Variants in CAMK1D observed in about 807,000 individuals in gnomAD.
CAMK1D encodes the protein calcium/calmodulin-dependent protein kinase type 1D.
A neutral mutation model predicts 47.7 loss-of-function variants in CAMK1D; 9 were observed. The observed-to-expected ratio is 0.19, with a 90% CI of 0.11 to 0.33. The LOEUF (loss-of-function observed/expected upper bound fraction) is 0.33. Ranked by LOEUF, CAMK1D falls within the 10% of genes least tolerant of loss-of-function variation. The probability of loss-of-function intolerance (pLI) is 1.00; values close to 1 mark genes in which losing one functional copy is unlikely to be tolerated. For synonymous variants in CAMK1D, 184 were observed against 184.9 expected (o/e 0.99, Z 0.04); for missense variants, 291 against 488.7 (o/e 0.60, Z 3.81).
At chr10:12,827,379 TTTCTTTC>T (rs2131130569) in intron 10 of CAMK1D, among the ~76,000 whole-genome samples, 8 of 6,450 alleles carry the variant, frequency 1.2e-3, no homozygotes, top group Non-Finnish European at 2.0e-3. Context: ...TTTCTTTCTT[TTTCTTTC>T]CCTTCCTTCC....
At chr10:12,538,646 G>T (rs1023766423) in intron 1 of CAMK1D, among the ~76,000 whole-genome samples, 1 of 152,146 alleles carries the variant, frequency 6.6e-6, no homozygotes, top group African/African-American at 2.4e-5. Context: ...GCCCGAGGAG[G>T]TGCAGGCCAG....
intron 1 of CAMK1D, among the ~76,000 whole-genome samples, chr10:12,351,448 A>G (rs945881602): frequency 6.6e-6 from 1 of 152,326 alleles, no homozygotes; most frequent in Admixed American, 6.5e-5. Flanking sequence ...ACAAGAAAGC[A>G]TGGCCTTTGC....
At chr10:12,527,937 A>G (rs1564393026) in intron 1 of CAMK1D, among the ~76,000 whole-genome samples, 1 of 152,216 alleles carries the variant, frequency 6.6e-6, no homozygotes, top group Non-Finnish European at 1.5e-5. Context: ...AAATAGTGGC[A>G]TAATATTTTT....
intron 1 of CAMK1D, among the ~76,000 whole-genome samples, chr10:12,380,507 C>T (rs145098043): frequency 2.0e-4 from 31 of 152,048 alleles, no homozygotes; most frequent in African/African-American, 5.5e-4. Context: ...GATTATTGCC[C>T]GGAAAAAAGG....
chr10:12,626,479 T>A (rs7098144), intron 2 of CAMK1D, among the ~76,000 whole-genome samples: 11 of 148,926 alleles, frequency 7.4e-5, no homozygotes, highest in African/African-American at 2.7e-4. Flanking sequence ...TTCTTTCTTT[T>A]TTTTTTTTTT....
intron 8 of CAMK1D, among the ~76,000 whole-genome samples, chr10:12,818,522 T>C (rs1476421909): frequency 2.0e-5 from 3 of 151,876 alleles, no homozygotes; most frequent in Non-Finnish European, 4.4e-5. Flanking sequence ...AATACAAAAA[T>C]TAGCCGGACA....
At chr10:12,439,533 C>T (rs1832724533) in intron 1 of CAMK1D, among the ~76,000 whole-genome samples, 2 of 152,208 alleles carry the variant, frequency 1.3e-5, no homozygotes, top group Admixed American at 1.3e-4. Flanking sequence ...GTCCTCCTCC[C>T]TGCTGTAGGT....
chr10:12,422,448 A>G lies in CAMK1D; in HGVS notation c.92+72538A>G, dbSNP rs534860782. On this transcript the variant is annotated intron_variant, in intron 1 of 10. Transcript: ENST00000619168. ...ATTGCAGGCGGCCCATGCCTGGGGCATTGCCACCTGAGAACAGGTCTTACG... is the reference window on the plus strand; with the variant it reads ...ATTGCAGGCGGCCCATGCCTGGGGCGTTGCCACCTGAGAACAGGTCTTACG... Among the ~76,000 whole-genome samples the G allele has an allele frequency of 3.3e-5, 5 of 152,320 alleles. No homozygotes were observed. The East Asian group carries it at 9.7e-4, about 29-fold the overall frequency.
intron 2 of CAMK1D, among the ~76,000 whole-genome samples, chr10:12,557,103 C>T (rs1279559638): frequency 1.3e-5 from 2 of 152,082 alleles, no homozygotes; most frequent in African/African-American, 4.8e-5. Flanking sequence ...ACAGAAATAC[C>T]AGAGCGGGAG....
chr10:12,774,035 A>C (rs1301321022), intron 5 of CAMK1D, among the ~76,000 whole-genome samples: 2 of 132,196 alleles, frequency 1.5e-5, no homozygotes, highest in African/African-American at 5.6e-5. Context: ...TTATTTATTT[A>C]TTGCCTACCT....
At chr10:12,518,141 T>G (rs1835265710) in intron 1 of CAMK1D, among the ~76,000 whole-genome samples, 1 of 152,204 alleles carries the variant, frequency 6.6e-6, no homozygotes, top group Non-Finnish European at 1.5e-5. Flanking sequence ...ACTGGTCTAT[T>G]TCATCTAAGC....
intron 3 of CAMK1D, among the ~76,000 whole-genome samples, chr10:12,715,423 A>G (rs1029949961): frequency 6.6e-6 from 1 of 152,232 alleles, no homozygotes; most frequent in Admixed American, 6.5e-5. Flanking sequence ...TTTAAAATAA[A>G]TAATAGGAAA....
chr10:12,797,866 T>C (rs1049664183), intron 6 of CAMK1D, among the ~76,000 whole-genome samples: 4 of 152,118 alleles, frequency 2.6e-5, no homozygotes. Context: ...TCTGTGACAA[T>C]TGGTTTACTA....
At chr10:12,686,743 T>C (rs1832680474) in intron 3 of CAMK1D, among the ~76,000 whole-genome samples, 1 of 152,118 alleles carries the variant, frequency 6.6e-6, no homozygotes. Context: ...AGAGGGAAGA[T>C]TGGGTGTTTG....
At chr10:12,443,135 A>G (rs968805863) in intron 1 of CAMK1D, among the ~76,000 whole-genome samples, 1 of 152,188 alleles carries the variant, frequency 6.6e-6, no homozygotes, top group Non-Finnish European at 1.5e-5. Flanking sequence ...GGACTCTGGA[A>G]AACAGATTCA....
intron 2 of CAMK1D, among the ~76,000 whole-genome samples, chr10:12,638,062 A>T (rs1295516332): frequency 6.6e-6 from 1 of 152,090 alleles, no homozygotes; most frequent in African/African-American, 2.4e-5. Flanking sequence ...ATATCCTTGT[A>T]TTAGGAGGGG....
At position 12,699,627 on chromosome 10, in the gene CAMK1D, T is replaced by A. The variant is rs377228418; in HGVS notation, c.299+32817T>A. ...TGCTTCTGCTGTTAATCATTAGTCC[T>A]CTACAGTTAGGGCTGTAACTTGAAA... is the stretch of plus-strand genomic sequence containing the variant. On this transcript the variant is annotated intron_variant, in intron 3 of 10. Transcript: ENST00000619168. 3.3e-5 allele frequency among the ~76,000 whole-genome samples: 5 copies of A among 152,002 alleles called. No homozygotes were observed. The South Asian group carries it at 8.3e-4, about 25-fold the overall frequency.
At position 12,546,770 on chromosome 10, in the gene CAMK1D, T is replaced by C. The variant is rs562724225; in HGVS notation, c.93-6455T>C. 1.6e-4 allele frequency among the ~76,000 whole-genome samples: 21 copies of C among 130,740 alleles called. 1 individual carries two copies. Among genetic ancestry groups the C allele is most frequent in the African/African-American group, 6.5e-4 (21 of 32,540 alleles). The allele number at this position is 130,740 out of a possible 152,430, so 85.8% of individuals were successfully genotyped here. ...GTGGGAAGTGAACAATGAGAACACA[T>C]GGACACAGGAAGGGGAACATCACAC... On this transcript the variant is annotated intron_variant, in intron 1 of 10. Transcript: ENST00000619168.
intron 3 of CAMK1D, among the ~76,000 whole-genome samples, chr10:12,734,780 C>T (rs973511052): frequency 5.3e-5 from 8 of 151,974 alleles, no homozygotes; most frequent in African/African-American, 1.9e-4. Context: ...ATCAAATTTG[C>T]TTTCTCTTTC....
Sources: allele counts gnomAD v4.1 joint callset (sites outside exome capture counted in the v4.1 genomes callset), GRCh38; gene constraint gnomAD v4.1.1; transcripts MANE v1.5; gene names NCBI Gene and HGNC (gene_info 2026-07-23, HGNC 2026-07-21).